Variants in PACC1 observed in about 807,000 individuals in gnomAD.
PACC1 encodes the protein proton activated chloride channel 1, also known as proton-activated chloride channel.
Under a neutral mutation model 39.7 loss-of-function variants are expected in PACC1, and 34 were observed. The ratio of observed to expected loss-of-function variants is 0.86; its 90% CI spans 0.65 to 1.14. The LOEUF (loss-of-function observed/expected upper bound fraction) is 1.14, where lower values mean the gene tolerates loss of function less well. Ranked by LOEUF, PACC1 falls within the 50% of genes most tolerant of loss-of-function variation. The pLI is 0.00. For synonymous variants in PACC1, 127 were observed against 160.6 expected (o/e 0.79, Z 1.58); for missense variants, 379 against 436.4 (o/e 0.87, Z 1.17).
chr1:212,368,573 A>T (rs1380854875), intron 7 of PACC1, among the ~76,000 whole-genome samples: 1 of 147,414 alleles, frequency 6.8e-6, no homozygotes, highest in East Asian at 2.0e-4. Flanking sequence ...AGAGCTGAAA[A>T]GTACAATTAA....
At chr1:212,377,036 T>A (rs1231851340) in intron 6 of PACC1, among the ~76,000 whole-genome samples, 2 of 152,234 alleles carry the variant, frequency 1.3e-5, no homozygotes, top group African/African-American at 4.8e-5. Context: ...ATATGGAGTA[T>A]ATGATCAAAA....
chr1:212,379,957 ACTC>A lies in PACC1; in HGVS notation c.573_575del (p.Lys191_Ser192delinsAsn). On this transcript the variant is annotated inframe_deletion, in exon 5 of 8. Transcript: ENST00000261455. ...AATCAATGGCGCTGAAGTCCTCACT[ACTC>A]TTGTTCAGGCGGAACTGGAGGAAGA... 1 of 1,614,078 alleles carries A rather than the reference ACTC, an allele frequency of 6.2e-7. No individual in the cohort carries two copies. Among genetic ancestry groups the A allele is most frequent in the East Asian group, 2.2e-5 (1 of 44,878 alleles).
chr1:212,397,577 G>T (rs1278836578), intron 2 of PACC1, among the ~76,000 whole-genome samples: 2 of 152,206 alleles, frequency 1.3e-5, no homozygotes, highest in African/African-American at 4.8e-5. Context: ...ACTTCTACAA[G>T]ATCAAGCACC....
intron 7 of PACC1, among the ~76,000 whole-genome samples, chr1:212,370,221 C>G (rs910777107): frequency 6.6e-6 from 1 of 152,252 alleles, no homozygotes; most frequent in African/African-American, 2.4e-5. Context: ...AATCCCAGCA[C>G]TTTGGGAGAT....
At chr1:212,379,268 T>C (rs1391007692) in intron 5 of PACC1, among the ~76,000 whole-genome samples, 1 of 152,170 alleles carries the variant, frequency 6.6e-6, no homozygotes, top group African/African-American at 2.4e-5. Context: ...ACATTTTTTT[T>C]CTCTAGTTTA....
At chr1:212,407,305 C>T (rs1476529668) in intron 2 of PACC1, among the ~76,000 whole-genome samples, 1 of 152,178 alleles carries the variant, frequency 6.6e-6, no homozygotes, top group Non-Finnish European at 1.5e-5. Flanking sequence ...CAGGAGGCCT[C>T]CAGAAGCTAG....
At chr1:212,372,233 TG>T (rs1239504995) in intron 7 of PACC1, among the ~76,000 whole-genome samples, 1 of 149,166 alleles carries the variant, frequency 6.7e-6, no homozygotes, top group Non-Finnish European at 1.5e-5. Flanking sequence ...TGTAGTGAGC[TG>T]AGATCATGCC....
intron 5 of PACC1, 32 bp from the exon 6 acceptor site, chr1:212,377,738 G>A: frequency 6.2e-7 from 1 of 1,610,076 alleles, no homozygotes; most frequent in Non-Finnish European, 8.5e-7. Flanking sequence ...GAAGATCCAG[G>A]TCAATGCAGG....
At chr1:212,371,235 C>T (rs564248217) in intron 7 of PACC1, among the ~76,000 whole-genome samples, 3 of 113,998 alleles carry the variant, frequency 2.6e-5, no homozygotes, top group Non-Finnish European at 5.2e-5. Flanking sequence ...GAGCAAGACT[C>T]CATTTCAAAA....
chr1:212,384,313 G>A (rs1661017057), intron 4 of PACC1, among the ~76,000 whole-genome samples: 1 of 152,114 alleles, frequency 6.6e-6, no homozygotes, highest in African/African-American at 2.4e-5. Context: ...AAAAATTAGT[G>A]TTATTCTTTC....
Position 212,365,312 on chromosome 1 carries a change from TTAAA to T in PACC1, c.952_955del (p.Phe318LysfsTer8). 1 of 1,614,012 alleles carries T rather than the reference TTAAA, an allele frequency of 6.2e-7. No homozygotes were observed. The highest frequency in any genetic ancestry group is 8.5e-7 in the Non-Finnish European group (1 of 1,180,016). ...ACTCAGTTTGGCAAACTCTGCTGCT[TTAAA>T]TAATGCCAAGAAGGCGCCACAGAGA... On this transcript the variant is annotated frameshift_variant, in exon 8 of 8. Coordinates refer to ENST00000261455, the MANE Select transcript of PACC1 (RefSeq NM_018252.3). LOFTEE classifies it high-confidence loss of function.
chr1:212,372,560 T>C (rs1389426281), intron 7 of PACC1, among the ~76,000 whole-genome samples: 1 of 152,204 alleles, frequency 6.6e-6, no homozygotes, highest in African/African-American at 2.4e-5. Flanking sequence ...AAACTGTCTT[T>C]GTTTGCACAT....
chr1:212,372,778 T>C (rs1443592180), intron 7 of PACC1, among the ~76,000 whole-genome samples: 1 of 151,890 alleles, frequency 6.6e-6, no homozygotes, highest in Non-Finnish European at 1.5e-5. Flanking sequence ...TATAAAAATA[T>C]AAAATACCTA....
chr1:212,396,794 A>C (rs1032747485), intron 2 of PACC1, among the ~76,000 whole-genome samples: 19 of 98,346 alleles, frequency 1.9e-4, no homozygotes, highest in African/African-American at 7.3e-4. Flanking sequence ...TGAGGGAAAA[A>C]AATATCTATC....
intron 2 of PACC1, among the ~76,000 whole-genome samples, chr1:212,397,289 T>C (rs556240863): frequency 2.3e-4 from 35 of 151,952 alleles, no homozygotes; most frequent in African/African-American, 6.5e-4. Context: ...GCAAGACAAG[T>C]AGAAAACAGC....
chr1:212,391,168 T>C (rs539757530), intron 2 of PACC1, among the ~76,000 whole-genome samples: 3 of 152,228 alleles, frequency 2.0e-5, no homozygotes, highest in South Asian at 4.1e-4. Context: ...GAACCCTGAG[T>C]AGCCTATCTG....
intron 7 of PACC1, among the ~76,000 whole-genome samples, chr1:212,365,698 CTTCA>C (rs148327867): frequency 0.013 from 2,031 of 152,258 alleles, 45 homozygotes; most frequent in African/African-American, 0.045. Context: ...ACTCTATATA[CTTCA>C]TTCAGACTAT....
chr1:212,379,134 G>A (rs1028728794), intron 5 of PACC1, among the ~76,000 whole-genome samples: 8 of 151,850 alleles, frequency 5.3e-5, no homozygotes, highest in Non-Finnish European at 1.0e-4. Context: ...TAGTAGAGAT[G>A]GGGTTTCACC....
At position 212,385,254 on chromosome 1, in the gene PACC1, C is replaced by G. The variant is rs1661055012; in HGVS notation, c.495+20G>C. On this transcript the variant is annotated intron_variant, in intron 4 of 7. Transcript: ENST00000261455. Reference sequence around the variant, plus strand: ...TAACAGAGCAGCTGCCCAGACCCAGCTCAGGCAGACAGGAATTACCACAGT... The same window carrying G: ...TAACAGAGCAGCTGCCCAGACCCAGGTCAGGCAGACAGGAATTACCACAGT... 1.9e-6 allele frequency: 3 copies of G among 1,613,430 alleles called. No individual in the cohort carries two copies. In the Admixed American group the frequency reaches 5.0e-5, roughly 27 times the overall value.
Sources: allele counts gnomAD v4.1 joint callset (sites outside exome capture counted in the v4.1 genomes callset), GRCh38; gene constraint gnomAD v4.1.1; transcripts MANE v1.5; gene names NCBI Gene and HGNC (gene_info 2026-07-23, HGNC 2026-07-21).